Variants in ADCY8 observed in about 807,000 individuals in gnomAD.
The protein encoded by ADCY8 is adenylate cyclase type 8.
A neutral mutation model predicts 119.7 loss-of-function variants in ADCY8; 51 were observed. That is an observed-to-expected ratio of 0.43 (90% CI 0.34 to 0.54). ADCY8 has a LOEUF of 0.54. Ranked by LOEUF, ADCY8 falls within the 20% of genes least tolerant of loss-of-function variation. The pLI, the probability that ADCY8 is intolerant of heterozygous loss-of-function variation, is 0.03. For missense variants in ADCY8, 1,383 were observed against 1,598.8 expected (o/e 0.87, Z 2.30); for synonymous variants, 665 against 651.0 (o/e 1.02, Z -0.33).
chr8:130,927,465 T>G (rs942167490), intron 5 of ADCY8, among the ~76,000 whole-genome samples: 3 of 152,340 alleles, frequency 2.0e-5, no homozygotes, highest in African/African-American at 7.2e-5. Flanking sequence ...ATTGAGTTGT[T>G]GGAATTTCTT....
chr8:130,853,574 G>C (rs1586484466), intron 9 of ADCY8, among the ~76,000 whole-genome samples: 1 of 74,136 alleles, frequency 1.3e-5, no homozygotes, highest in Admixed American at 1.4e-4. Flanking sequence ...TTGTAAAATT[G>C]ATGTTTTTTT....
chr8:130,897,526 C>T (rs185695165), intron 7 of ADCY8, among the ~76,000 whole-genome samples: 37 of 151,368 alleles, frequency 2.4e-4, no homozygotes, highest in Non-Finnish European at 4.3e-4. Context: ...AATCATCATG[C>T]GAGGACACTC....
rs760033327 is a variant in ADCY8 at position 130,814,100 on chromosome 8, C to T, written c.2882G>A (p.Arg961His). The T allele has an allele frequency of 6.2e-6, 10 of 1,614,118 alleles. No homozygotes were observed. Among genetic ancestry groups the T allele is most frequent in the Admixed American group, 1.7e-5 (1 of 60,014 alleles). ...LRNILPSHVA[R>H]HFLEKDRDNE... ...GTCTCGGTCCTTCTCTAGGAAATGG[C>T]GGGCCACATGGCTGGGTAAGATATT... Residue 961 changes from arginine (R) to histidine (H), a missense_variant, in exon 14 of 18, where the codon CGC (arginine) becomes CAC (histidine). Coordinates refer to ENST00000286355, the MANE Select transcript of ADCY8 (RefSeq NM_001115.3).
rs565404892 is a variant in ADCY8, at chr8:130,990,717, C to G, written c.961-175G>C. 3.4e-4 allele frequency: 249 copies of G among 729,936 alleles called. 3 individuals carry two copies. The East Asian group carries it at 7.5e-3, about 22-fold the overall frequency. 45.2% of individuals were successfully genotyped at this position (729,936 alleles called of 1,614,324 possible). On this transcript the variant is annotated intron_variant, in intron 1 of 17. Coordinates refer to ENST00000286355, the MANE Select transcript of ADCY8 (RefSeq NM_001115.3). The stretch of plus-strand genomic sequence containing the variant: ...TCAGATCTTGAGGCAAATGTCATCC[C>G]TTTGGAGAGGGCTTCTTTCACCACT...
intron 2 of ADCY8, among the ~76,000 whole-genome samples, chr8:130,985,900 A>G (rs1053371045): frequency 1.3e-5 from 2 of 152,210 alleles, no homozygotes; most frequent in African/African-American, 4.8e-5. Flanking sequence ...TGCTGCTGCA[A>G]CATATGGTAT....
Position 130,937,087 on chromosome 8 carries a change from C to T in ADCY8, c.1467G>A (p.Met489Ile). Residue 489 changes from methionine (M) to isoleucine (I), a missense_variant, in exon 5 of 18, where the codon ATG (methionine) becomes ATA (isoleucine). Met to Ile is a conservative substitution (Grantham distance 10, BLOSUM62 1). Coordinates refer to ENST00000286355, the MANE Select transcript of ADCY8 (RefSeq NM_001115.3). ...TCACAAATTACCTGATGGTTTTGAT[C>T]ATGCTGAGACCCATTTCAACACAGC... is the stretch of plus-strand genomic sequence containing the variant. ...AHCCVEMGLS[M>I]IKTIRYVRSR... 2 of 1,611,960 alleles carry T rather than the reference C, an allele frequency of 1.2e-6. No individual in the cohort carries two copies. The highest frequency in any genetic ancestry group is 8.5e-7 in the Non-Finnish European group (1 of 1,178,892).
intron 2 of ADCY8, among the ~76,000 whole-genome samples, chr8:130,959,309 A>G (rs1410952785): frequency 6.6e-6 from 1 of 152,236 alleles, no homozygotes; most frequent in Non-Finnish European, 1.5e-5. Context: ...AGAAATGTTC[A>G]TATGGTTTTC....
chr8:130,794,314 G>A (rs946577097), intron 15 of ADCY8, among the ~76,000 whole-genome samples: 1 of 152,086 alleles, frequency 6.6e-6, no homozygotes, highest in Non-Finnish European at 1.5e-5. Flanking sequence ...GTGCGATCTC[G>A]GCTCACTGCA....
chr8:131,029,703 A>G (rs1483599830), intron 1 of ADCY8, among the ~76,000 whole-genome samples: 1 of 152,212 alleles, frequency 6.6e-6, no homozygotes, highest in Non-Finnish European at 1.5e-5. Flanking sequence ...GTATATGAAT[A>G]TGTATAGCAA....
At chr8:130,847,338 G>C in intron 11 of ADCY8, 86 bp downstream of exon 11, 1 of 946,686 alleles carries the variant, frequency 1.1e-6, no homozygotes, top group Non-Finnish European at 1.6e-6. Flanking sequence ...TATTTTCTAT[G>C]GCCCTTCAGC....
At chr8:130,960,854 A>G (rs952172891) in intron 2 of ADCY8, among the ~76,000 whole-genome samples, 17 of 152,252 alleles carry the variant, frequency 1.1e-4, no homozygotes, top group African/African-American at 4.1e-4. Context: ...GTCTTCTTGG[A>G]GGATATGAAT....
At chr8:130,980,485 C>T (rs1423276469) in intron 2 of ADCY8, among the ~76,000 whole-genome samples, 1 of 151,884 alleles carries the variant, frequency 6.6e-6, no homozygotes, top group Non-Finnish European at 1.5e-5. Flanking sequence ...GGGTTAGAAA[C>T]GTTGGAAAAA....
intron 5 of ADCY8, among the ~76,000 whole-genome samples, chr8:130,911,519 T>C (rs866551269): frequency 1.3e-5 from 2 of 152,052 alleles, no homozygotes; most frequent in Middle Eastern, 6.8e-3. Context: ...AAAAATTTTT[T>C]TTAAAAAGAA....
Position 130,915,774 on chromosome 8 carries a change from T to G in ADCY8, c.1482-5908A>C, listed in dbSNP as rs140648501. Among the ~76,000 whole-genome samples the G allele has an allele frequency of 5.1e-3, 775 of 152,340 alleles. 3 individuals carry two copies. Among genetic ancestry groups the G allele is most frequent in the Middle Eastern group, 0.024 (7 of 294 alleles). ...GAATTGATCACTTTACCTACCCTTT[T>G]CTGCTAAAACTCTGCCTACATCAAC... On this transcript the variant is annotated intron_variant, in intron 5 of 17. Coordinates refer to ENST00000286355, the MANE Select transcript of ADCY8 (RefSeq NM_001115.3).
At chr8:130,936,812 G>A (rs1432515342) in intron 5 of ADCY8, among the ~76,000 whole-genome samples, 1 of 152,110 alleles carries the variant, frequency 6.6e-6, no homozygotes, top group Non-Finnish European at 1.5e-5. Context: ...TGCTCATCTT[G>A]TTCCTTGCTG....
chr8:130,916,152 GGT>G (rs1820122043), intron 5 of ADCY8, among the ~76,000 whole-genome samples: 2 of 152,198 alleles, frequency 1.3e-5, no homozygotes, highest in South Asian at 4.2e-4. Context: ...TTTCACCCCG[GGT>G]GTATAAGCCT....
chr8:130,980,663 G>C (rs1021682382), intron 2 of ADCY8, among the ~76,000 whole-genome samples: 18 of 152,208 alleles, frequency 1.2e-4, no homozygotes, highest in Admixed American at 7.9e-4. Flanking sequence ...TTTTGGGAAG[G>C]AAAGATCAAT....
intron 1 of ADCY8, among the ~76,000 whole-genome samples, chr8:130,991,465 A>G (rs1379706016): frequency 6.6e-6 from 1 of 152,254 alleles, no homozygotes; most frequent in Non-Finnish European, 1.5e-5. Flanking sequence ...TGAACCACAT[A>G]TGCATAGGGA....
intron 5 of ADCY8, among the ~76,000 whole-genome samples, chr8:130,929,907 T>C (rs371628071): frequency 3.3e-5 from 5 of 152,222 alleles, no homozygotes; most frequent in African/African-American, 1.2e-4. Context: ...TTCATTTTCA[T>C]AGTTATTAAT....
Sources: gnomAD v4.1 joint callset for allele counts (sites outside exome capture counted in the v4.1 genomes callset) on GRCh38, gnomAD v4.1.1 for gene constraint, MANE v1.5 for transcripts, NCBI Gene and HGNC (gene_info 2026-07-23, HGNC 2026-07-21) for gene names.